Variants in NRG1 observed in about 807,000 individuals in gnomAD.
NRG1 encodes pro-neuregulin-1, membrane-bound isoform.
A neutral mutation model predicts 63.8 loss-of-function variants in NRG1; 18 were observed. The ratio of observed to expected loss-of-function variants is 0.28; its 90% CI spans 0.19 to 0.42. The LOEUF (loss-of-function observed/expected upper bound fraction) is 0.42. NRG1 is among the 10% of genes least tolerant of loss of function. The probability of loss-of-function intolerance (pLI) is 1.00; values close to 1 mark genes in which losing one functional copy is unlikely to be tolerated. For missense variants in NRG1, 762 were observed against 814.7 expected (o/e 0.94, Z 0.79); for synonymous variants, 302 against 301.3 (o/e 1.00, Z -0.02).
intron 1 of NRG1, among the ~76,000 whole-genome samples, chr8:32,595,556 A>G (rs1269551132): frequency 1.3e-5 from 2 of 152,206 alleles, no homozygotes; most frequent in Non-Finnish European, 2.9e-5. Context: ...TCTTAATGGC[A>G]TCAGAGAATA....
intron 1 of NRG1, among the ~76,000 whole-genome samples, chr8:32,288,303 C>G (rs1853783955): frequency 6.6e-6 from 1 of 152,092 alleles, no homozygotes; most frequent in African/African-American, 2.4e-5. Flanking sequence ...CTGATTTTCA[C>G]TAAGTCTTTT....
chr8:32,149,175 C>T (rs1050335633), intron 1 of NRG1, among the ~76,000 whole-genome samples: 7 of 152,066 alleles, frequency 4.6e-5, no homozygotes, highest in Non-Finnish European at 8.8e-5. Flanking sequence ...GTGAGTTTTG[C>T]AAAAACATTG....
At chr8:32,594,984 G>A (rs1425984844) in intron 1 of NRG1, among the ~76,000 whole-genome samples, 1 of 152,122 alleles carries the variant, frequency 6.6e-6, no homozygotes, top group African/African-American at 2.4e-5. Flanking sequence ...ATAGTGAAAT[G>A]AGCCCTAGCT....
intron 1 of NRG1, among the ~76,000 whole-genome samples, chr8:32,116,319 C>T (rs781272101): frequency 6.6e-6 from 1 of 152,090 alleles, no homozygotes; most frequent in Non-Finnish European, 1.5e-5. Flanking sequence ...ATCCTTAAAG[C>T]AGTGCTGAAT....
intron 1 of NRG1, among the ~76,000 whole-genome samples, chr8:32,443,786 A>C (rs1587687549): frequency 6.6e-6 from 1 of 152,268 alleles, no homozygotes; most frequent in East Asian, 1.9e-4. Flanking sequence ...TGCATTTACT[A>C]GAAAATCATG....
intron 1 of NRG1, among the ~76,000 whole-genome samples, chr8:32,512,657 C>T (rs1656378278): frequency 6.6e-6 from 1 of 152,172 alleles, no homozygotes; most frequent in African/African-American, 2.4e-5. Flanking sequence ...TTCAAGTCCA[C>T]ACAGCTAGTT....
chr8:32,164,076 CT>C (rs1839146359), intron 1 of NRG1, among the ~76,000 whole-genome samples: 1 of 152,152 alleles, frequency 6.6e-6, no homozygotes, highest in African/African-American at 2.4e-5. Flanking sequence ...TGTTCTCTCT[CT>C]TTTCCCCTCA....
chr8:31,928,551 T>C (rs1295080968), intron 1 of NRG1, among the ~76,000 whole-genome samples: 4 of 151,850 alleles, frequency 2.6e-5, no homozygotes, highest in Non-Finnish European at 5.9e-5. Context: ...TGAATGTGTA[T>C]AGAATCATCC....
intron 1 of NRG1, among the ~76,000 whole-genome samples, chr8:31,721,609 G>A (rs1272260369): frequency 1.3e-5 from 2 of 151,976 alleles, no homozygotes; most frequent in East Asian, 3.9e-4. Flanking sequence ...AGAAACTAAG[G>A]CTATATCATG....
intron 1 of NRG1, among the ~76,000 whole-genome samples, chr8:32,531,389 TCTG>T (rs1831436724): frequency 6.6e-6 from 1 of 152,136 alleles, no homozygotes; most frequent in African/African-American, 2.4e-5. Context: ...TTTATATCTT[TCTG>T]CTTTCTTTTT....
rs1174123862 is a variant in NRG1, at chr8:32,590,124, A to G, written c.101-5704A>G. Among the ~76,000 whole-genome samples, 5 of 152,354 alleles carry G rather than the reference A, an allele frequency of 3.3e-5. No individual in the cohort carries two copies. In the East Asian group the frequency reaches 9.6e-4, roughly 29 times the overall value. On this transcript the variant is annotated intron_variant, in intron 1 of 11. Coordinates refer to ENST00000356819, the Ensembl canonical transcript of NRG1. ...TTGAAAACACTTAAAGCCTGTAAAG[A>G]GAAGTATTCAAAAGAAGCTCCTGTG... is the stretch of plus-strand genomic sequence containing the variant.
intron 5 of NRG1, among the ~76,000 whole-genome samples, chr8:32,659,727 C>T (rs1243800569): frequency 1.3e-5 from 2 of 152,158 alleles, no homozygotes; most frequent in Non-Finnish European, 2.9e-5. Flanking sequence ...CCAGCTGTCT[C>T]CCCAGTCTTC....
In NRG1 at chr8:32,487,928, G is replaced by A. The variant is rs72612111; in HGVS notation, c.38-107900G>A. Among the ~76,000 whole-genome samples, 6,608 of 152,212 alleles carry A rather than the reference G, an allele frequency of 0.043. 952 individuals carry two copies. The East Asian group carries it at 0.57, about 13-fold the overall frequency. On this transcript the variant is annotated intron_variant, in intron 1 of 10. Transcript: ENST00000519301. ...TCATTAGTGACAGATCTATTTTAAA[G>A]GGACGAGGTTGTGCAACAAGGGTAC...
chr8:31,997,976 G>T (rs1371707188), intron 1 of NRG1, among the ~76,000 whole-genome samples: 2 of 151,986 alleles, frequency 1.3e-5, no homozygotes, highest in African/African-American at 4.8e-5. Flanking sequence ...CTTGAGAAAT[G>T]CATGCTTAAT....
At chr8:31,722,016 ACTTTC>A (rs1812968040) in intron 1 of NRG1, among the ~76,000 whole-genome samples, 1 of 151,902 alleles carries the variant, frequency 6.6e-6, no homozygotes, top group Non-Finnish European at 1.5e-5. Context: ...ATCTTTCCAA[ACTTTC>A]CTTTCCATCT....
At chr8:31,724,488 T>C (rs1390522276) in intron 1 of NRG1, among the ~76,000 whole-genome samples, 1 of 152,144 alleles carries the variant, frequency 6.6e-6, no homozygotes, top group Non-Finnish European at 1.5e-5. Flanking sequence ...GTTAATATCA[T>C]CAGGCAGAAC....
At chr8:32,145,917 T>A (rs1836820713) in intron 1 of NRG1, among the ~76,000 whole-genome samples, 1 of 152,222 alleles carries the variant, frequency 6.6e-6, no homozygotes, top group South Asian at 2.1e-4. Flanking sequence ...AGATGCCGCA[T>A]ACTCTCCTAG....
chr8:32,185,375 C>A (rs1447434869), intron 1 of NRG1, among the ~76,000 whole-genome samples: 2 of 152,198 alleles, frequency 1.3e-5, no homozygotes, highest in Non-Finnish European at 2.9e-5. Context: ...TCCTTCCCAT[C>A]ATGCTAGAGC....
exon 3 of NRG1, chr8:32,605,671 G>A (rs372445359): frequency 2.9e-5 from 46 of 1,612,966 alleles, no homozygotes; most frequent in African/African-American, 2.3e-4. Flanking sequence ...TATCACCATC[G>A]TGGAATCAAA....
Sources: gnomAD v4.1 joint callset for allele counts (sites outside exome capture counted in the v4.1 genomes callset) on GRCh38, gnomAD v4.1.1 for gene constraint, MANE v1.5 for transcripts, NCBI Gene and HGNC (gene_info 2026-07-23, HGNC 2026-07-21) for gene names.